The following NINJ2 variants were observed in gnomAD, a reference collection of about 807,000 sequenced individuals.
The protein encoded by NINJ2 is ninjurin 2, also known as ninjurin-2.
In NINJ2, 12 loss-of-function variants were observed where a neutral mutation model predicts 11.7. The observed-to-expected ratio is 1.02, with a 90% CI of 0.66 to 1.66. NINJ2 has a LOEUF of 1.66. NINJ2 is among the 40% of genes most tolerant of loss of function. NINJ2 has a pLI of 0.00. For synonymous variants in NINJ2, 93 were observed against 76.8 expected (o/e 1.21, Z -1.10); for missense variants, 187 against 181.8 (o/e 1.03, Z -0.16).
intron 1 of NINJ2, among the ~76,000 whole-genome samples, chr12:596,255 C>G (rs1271630831): frequency 6.6e-6 from 1 of 152,154 alleles, no homozygotes; most frequent in Non-Finnish European, 1.5e-5. Context: ...TGGAAGCTAC[C>G]AAAATGAAAA....
At chr12:644,782 G>T (rs534047803) in intron 1 of NINJ2, 2 of 152,104 alleles carry the variant, frequency 1.3e-5, no homozygotes, top group Non-Finnish European at 2.9e-5. Flanking sequence ...TTACATGATA[G>T]AATTCATATT....
At chr12:658,646 TTATGCTATGCTATGCTATGCTATGC>T (rs141722591) in intron 1 of NINJ2, among the ~76,000 whole-genome samples, 6,369 of 130,816 alleles carry the variant, frequency 0.049, 197 homozygotes, top group African/African-American at 0.074. Context: ...AACTTCTCTA[TTATGCTATGCTATGCTATGCTATGC>T]TATGCTATGC....
At chr12:604,819 C>T (rs1476724948) in intron 1 of NINJ2, among the ~76,000 whole-genome samples, 1 of 152,038 alleles carries the variant, frequency 6.6e-6, no homozygotes, top group Non-Finnish European at 1.5e-5. Context: ...TTCAACCCTC[C>T]GACTCCTTCA....
rs533521098 is a variant in NINJ2, at chr12:638,903, G to A, written c.33+24425C>T. ...AGCGAACATTACATCAGTATCAATC[G>A]GTATATGGGAGGATGTAAATAACCT... On this transcript the variant is annotated intron_variant, in intron 1 of 3. Transcript: ENST00000305108. Among the ~76,000 whole-genome samples, 158 of 152,184 alleles carry A rather than the reference G, an allele frequency of 1.0e-3. 2 individuals are homozygous for A. Among genetic ancestry groups the A allele is most frequent in the African/African-American group, 3.6e-3 (148 of 41,506 alleles).
chr12:565,835 C>T (rs760926913), intron 2 of NINJ2, 115 bp downstream of exon 2: 32 of 890,938 alleles, frequency 3.6e-5, no homozygotes, highest in Admixed American at 1.2e-4. Context: ...TGCAGGTCAG[C>T]GTGTGGTTGC....
intron 1 of NINJ2, among the ~76,000 whole-genome samples, chr12:616,646 T>A (rs1274795957): frequency 2.6e-5 from 4 of 152,212 alleles, no homozygotes; most frequent in Admixed American, 2.6e-4. Flanking sequence ...GAAAAGGGAC[T>A]TCTTGACTAC....
intron 1 of NINJ2, among the ~76,000 whole-genome samples, chr12:571,036 G>A (rs1034167881): frequency 2.0e-5 from 3 of 152,096 alleles, no homozygotes; most frequent in Non-Finnish European, 2.9e-5. Context: ...GCTGGCTCTC[G>A]GTATCTTCCT....
intron 1 of NINJ2, among the ~76,000 whole-genome samples, chr12:625,340 A>T (rs1948201087): frequency 6.6e-6 from 1 of 152,050 alleles, no homozygotes; most frequent in South Asian, 2.1e-4. Flanking sequence ...ACATAGGGAG[A>T]GGGAGTAGAC....
chr12:600,764 C>T (rs1947856708), intron 1 of NINJ2, among the ~76,000 whole-genome samples: 1 of 151,484 alleles, frequency 6.6e-6, no homozygotes, highest in East Asian at 2.0e-4. Context: ...TCACGGCAAC[C>T]TTGACCTCCC....
Position 596,418 on chromosome 12 carries a change from C to A in NINJ2, c.34-30240G>T, listed in dbSNP as rs372817503. Among the ~76,000 whole-genome samples the A allele has an allele frequency of 3.3e-4, 50 of 152,288 alleles. 1 individual carries two copies. The East Asian group carries it at 4.6e-3, about 14-fold the overall frequency. On this transcript the variant is annotated intron_variant, in intron 1 of 3. Coordinates refer to ENST00000305108, the MANE Select transcript of NINJ2 (RefSeq NM_016533.6). ...AGCTTCATTAGCTGCAACAAATGGA[C>A]CCCTCTGCTGGGGGATGTTGATAAT...
intron 1 of NINJ2, among the ~76,000 whole-genome samples, chr12:592,920 A>C (rs1195673734): frequency 2.6e-5 from 4 of 152,234 alleles, no homozygotes; most frequent in Non-Finnish European, 5.9e-5. Context: ...TAAGATAATT[A>C]CAGAAATTTG....
chr12:662,478 C>T (rs1196332128), intron 1 of NINJ2, among the ~76,000 whole-genome samples: 1 of 152,000 alleles, frequency 6.6e-6, no homozygotes, highest in Non-Finnish European at 1.5e-5. Context: ...TTCTTTAATC[C>T]GAAGTGTATA....
chr12:630,331 TC>T (rs1161935261), intron 1 of NINJ2, among the ~76,000 whole-genome samples: 2 of 152,120 alleles, frequency 1.3e-5, no homozygotes, highest in East Asian at 3.9e-4. Context: ...GAAAGCTGCT[TC>T]TATTTTTTTT....
intron 1 of NINJ2, among the ~76,000 whole-genome samples, chr12:619,480 A>G (rs1156962583): frequency 1.3e-5 from 2 of 152,194 alleles, no homozygotes; most frequent in African/African-American, 4.8e-5. Context: ...AGAGGTGGGA[A>G]TGAGCATAGG....
At position 610,763 on chromosome 12, in the gene NINJ2, C is replaced by T. The variant is rs1169532808; in HGVS notation, c.34-44585G>A. ...TTTTTTTTTTTTTGAGACGGAGTTT[C>T]GCTCTTGTTGCCCAGGCTGGAGTGC... On this transcript the variant is annotated intron_variant, in intron 1 of 3. Transcript: ENST00000305108. 4.1e-5 allele frequency: 15 copies of T among 362,986 alleles called. No individual in the cohort carries two copies. The South Asian group carries it at 1.4e-3, about 35-fold the overall frequency. The allele number at this position is 362,986 out of a possible 1,614,324, so 22.5% of individuals were successfully genotyped here. A position where few individuals can be genotyped will look rare whatever the true frequency, so the allele number is the denominator to read the frequency against.
rs772032802 is a variant in NINJ2, at chr12:633,687, T to C, written c.33+29641A>G. ...AAAATTAGCTGAGCGTGGTGCCACA[T>C]GCCTGTAGTCCCAGCTACTCAGGAG... On this transcript the variant is annotated intron_variant, in intron 1 of 3. Coordinates refer to ENST00000305108, the MANE Select transcript of NINJ2 (RefSeq NM_016533.6). The surrounding 1 kb of genome is among the most constrained non-coding windows in gnomAD (Gnocchi z 4.3). Among the ~76,000 whole-genome samples the C allele has an allele frequency of 6.6e-6, 1 of 152,084 alleles. No individual in the cohort carries two copies. The highest frequency in any genetic ancestry group is 1.5e-5 in the Non-Finnish European group (1 of 68,000).
intron 1 of NINJ2, among the ~76,000 whole-genome samples, chr12:624,558 C>T (rs985296130): frequency 6.6e-6 from 1 of 152,144 alleles, no homozygotes; most frequent in African/African-American, 2.4e-5. Context: ...CTTGTAATCC[C>T]AGCACTTTGG....
At chr12:592,848 T>C (rs1947735052) in intron 1 of NINJ2, among the ~76,000 whole-genome samples, 1 of 152,142 alleles carries the variant, frequency 6.6e-6, no homozygotes, top group Non-Finnish European at 1.5e-5. Context: ...GAAATTCATC[T>C]CAGAAAAGTT....
intron 1 of NINJ2, chr12:632,266 T>G (rs1565642598): frequency 6.6e-6 from 1 of 152,290 alleles, no homozygotes; most frequent in East Asian, 1.9e-4. Context: ...AATCAGAGAT[T>G]CCATTCAGCA....
Sources: allele counts gnomAD v4.1 joint callset (sites outside exome capture counted in the v4.1 genomes callset), GRCh38; gene constraint gnomAD v4.1.1; non-coding constraint Gnocchi (gnomAD v3.1); transcripts MANE v1.5; gene names NCBI Gene and HGNC (gene_info 2026-07-23, HGNC 2026-07-21).